The following AP3B2 variants were observed in gnomAD, a reference collection of about 807,000 sequenced individuals.
AP3B2 encodes adaptor related protein complex 3 subunit beta 2, also known as AP-3 complex subunit beta-2.
AP3B2 carries 50 observed loss-of-function variants against 126.9 expected under a neutral mutation model. The ratio of observed to expected loss-of-function variants is 0.39; its 90% CI spans 0.31 to 0.50. The LOEUF (loss-of-function observed/expected upper bound fraction) is 0.50. Among genes scored for constraint, AP3B2 ranks in the 20% least tolerant of loss-of-function variants. The pLI, the probability that AP3B2 is intolerant of heterozygous loss-of-function variation, is 0.79. For missense variants in AP3B2, 1,177 were observed against 1,426.4 expected, an observed-to-expected ratio of 0.83 and a Z score of 2.82; for synonymous variants, 541 against 565.0, an observed-to-expected ratio of 0.96 and a Z score of 0.60.
At chr15:82,707,504 A>C (rs537371163) in intron 1 of AP3B2, among the ~76,000 whole-genome samples, 12 of 152,266 alleles carry the variant, frequency 7.9e-5, no homozygotes, top group Non-Finnish European at 1.0e-4. Context: ...TCAACTACTC[A>C]TACATGCCCT....
At position 82,680,383 on chromosome 15, in the gene AP3B2, C is replaced by T. The variant is rs1304351287; in HGVS notation, c.1055+89G>A. 1.3e-5 allele frequency: 19 copies of T among 1,431,580 alleles called. No homozygotes were observed. Among genetic ancestry groups the T allele is most frequent in the Admixed American group, 9.1e-5 (4 of 43,960 alleles). The allele number at this position is 1,431,580 out of a possible 1,614,324, so 88.7% of individuals were successfully genotyped here. ...TGGAGCGGGTGGGCAGAGGTGGAAG[C>T]GGCTGGTGGGCGTGAGGGGGCGGAG... On this transcript the variant is annotated intron_variant, in intron 8 of 26. Transcript: ENST00000535359. The surrounding 1 kb of genome is among the most constrained non-coding windows in gnomAD (Gnocchi z 6.1).
intron 9 of AP3B2, 123 bp from the exon 10 acceptor site, chr15:82,679,923 C>A: frequency 1.1e-6 from 1 of 948,498 alleles, no homozygotes; most frequent in South Asian, 1.5e-5. Context: ...CTGCCCTCCA[C>A]TCCTCAAGTC....
At chr15:82,693,919 T>C (rs552448179) in intron 1 of AP3B2, among the ~76,000 whole-genome samples, 1 of 152,342 alleles carries the variant, frequency 6.6e-6, no homozygotes, top group South Asian at 2.1e-4. Context: ...CAGGCTGGTC[T>C]CAAACTCCCG....
In AP3B2 at chr15:82,665,559, C is replaced by A; in HGVS notation, c.1869G>T (p.Gln623His). 6.2e-7 allele frequency: 1 copy of A among 1,613,794 alleles called. No individual in the cohort carries two copies. The highest frequency in any genetic ancestry group is 8.5e-7 in the Non-Finnish European group (1 of 1,179,768). The change falls in exon 16 of 27, where the codon CAG (glutamine) becomes CAT (histidine). Residue 623 changes from glutamine (Q) to histidine (H), a missense_variant. Around this residue, in one of 5 missense-constraint regions of AP3B2, gnomAD observed 308 missense variants for 452.4 expected, o/e 0.68. Transcript: ENST00000535359. The surrounding 1 kb of genome is among the most constrained non-coding windows in gnomAD (Gnocchi z 4.4). ...ESSFKDRDHF[Q>H]LGSLSHLLNA... ...TAAGCAGGTGGGACAGTGAGCCCAG[C>A]TGGAAGTGGTCCCGGTCTAGGGATA...
rs1054377266 is a variant in AP3B2 at position 82,659,505 on chromosome 15, C to T, written c.*55G>A. The T allele has an allele frequency of 2.5e-6, 4 of 1,594,662 alleles. No homozygotes were observed. The highest frequency in any genetic ancestry group is 2.2e-5 in the East Asian group (1 of 44,552). On this transcript the variant is annotated 3_prime_UTR_variant, in exon 27 of 27. Transcript: ENST00000535359. Reference sequence around the variant, plus strand: ...GAGAAAGATGAGAGAGACTGACAGCCTAGGTGTCATGGGGAGGTATAGATG... The same window carrying T: ...GAGAAAGATGAGAGAGACTGACAGCTTAGGTGTCATGGGGAGGTATAGATG...
intron 1 of AP3B2, among the ~76,000 whole-genome samples, chr15:82,703,880 G>A (rs1462658417): frequency 6.6e-6 from 1 of 151,946 alleles, no homozygotes. Flanking sequence ...CTAATCCCCA[G>A]AATGCTCCTC....
At chr15:82,698,656 ATCT>A (rs988344346) in intron 1 of AP3B2, among the ~76,000 whole-genome samples, 5 of 152,096 alleles carry the variant, frequency 3.3e-5, no homozygotes, top group African/African-American at 1.2e-4. Context: ...GGGTCCTCTG[ATCT>A]TCTGAGGAGT....
intron 12 of AP3B2, 63 bp from the exon 13 acceptor site, chr15:82,677,446 G>A (rs933382524): frequency 5.4e-6 from 8 of 1,479,020 alleles, no homozygotes; most frequent in Non-Finnish European, 7.5e-6. Context: ...CAGGTGGACA[G>A]ACACACCTGC....
chr15:82,695,916 A>T (rs1381422210), intron 1 of AP3B2, among the ~76,000 whole-genome samples: 1 of 152,140 alleles, frequency 6.6e-6, no homozygotes, highest in African/African-American at 2.4e-5. Context: ...GCTGGAGAAC[A>T]GGTTGTTGGT....
At chr15:82,688,604 C>T (rs765351240) in intron 4 of AP3B2, 132 bp downstream of exon 4, 85 of 849,558 alleles carry the variant, frequency 1.0e-4, no homozygotes, top group Non-Finnish European at 1.4e-4. Flanking sequence ...TGACTGTGAC[C>T]CTCCCAATTT....
intron 1 of AP3B2, among the ~76,000 whole-genome samples, chr15:82,693,866 A>G (rs920106864): frequency 4.0e-5 from 6 of 151,232 alleles, no homozygotes; most frequent in Non-Finnish European, 5.9e-5. Context: ...ATGCCCAGCT[A>G]ATTTTTGTAT....
At chr15:82,662,516 T>C in intron 23 of AP3B2, 178 bp downstream of exon 23, 1 of 713,736 alleles carries the variant, frequency 1.4e-6, no homozygotes. Flanking sequence ...CCCGCCCTGA[T>C]GTGAACTTGC....
rs1198505883 is a variant in AP3B2, at chr15:82,664,991, A to AAGGC, written c.2029-52_2029-49dup. On this transcript the variant is annotated intron_variant, in intron 17 of 26. Coordinates refer to ENST00000535359, the MANE Select transcript of AP3B2 (RefSeq NM_001278512.2). The surrounding 1 kb of genome is among the most constrained non-coding windows in gnomAD (Gnocchi z 4.5). ...GGGTCATTTCATCATGGTTGGGGAG[A>AAGGC]AGGCAGGCAGGCACAAGCCCTTACC... The AAGGC allele has an allele frequency of 7.7e-6, 11 of 1,433,394 alleles. No individual in the cohort carries two copies. Among genetic ancestry groups the AAGGC allele is most frequent in the Non-Finnish European group, 1.1e-5 (11 of 1,033,958 alleles). 88.8% of individuals were successfully genotyped at this position (1,433,394 alleles called of 1,614,324 possible).
intron 1 of AP3B2, among the ~76,000 whole-genome samples, chr15:82,695,683 A>G (rs921343706): frequency 6.6e-6 from 1 of 152,128 alleles, no homozygotes; most frequent in African/African-American, 2.4e-5. Context: ...ATGGGTAAAT[A>G]TAACTAAAGT....
intron 1 of AP3B2, among the ~76,000 whole-genome samples, chr15:82,705,750 C>T (rs1356179418): frequency 6.6e-6 from 1 of 152,168 alleles, no homozygotes; most frequent in Non-Finnish European, 1.5e-5. Flanking sequence ...ATCTCCCGAA[C>T]CCCAATCCCT....
intron 1 of AP3B2, among the ~76,000 whole-genome samples, chr15:82,700,396 G>GTTTTTTTTTTTT (rs1567275643): frequency 8.9e-5 from 1 of 11,264 alleles, no homozygotes; most frequent in Non-Finnish European, 1.7e-4. Flanking sequence ...GTGGTGGGTG[G>GTTTTTTTTTTTT]CTTTTTTTTT....
chr15:82,681,443 G>A lies in AP3B2; in HGVS notation c.498C>T (p.Ala166=), dbSNP rs1567266488. The A allele has an allele frequency of 1.2e-6, 2 of 1,613,920 alleles. No homozygotes were observed. The highest frequency in any genetic ancestry group is 2.2e-5 in the East Asian group (1 of 44,884). ...DMSPYVRKTA[A]HAIPKLYSLD... Reference sequence around the variant, plus strand: ...ACCTGTAGAGTTTAGGGATGGCGTGGGCAGCTGTTTTCCGCACATAGGGTG... The same window carrying A: ...ACCTGTAGAGTTTAGGGATGGCGTGAGCAGCTGTTTTCCGCACATAGGGTG... The change falls in exon 5 of 27, where the codon GCC becomes GCT. Residue 166 remains alanine, a synonymous_variant. Transcript: ENST00000535359. The surrounding 1 kb of genome is among the most constrained non-coding windows in gnomAD (Gnocchi z 4.0).
intron 4 of AP3B2, chr15:82,688,144 G>C: frequency 2.6e-6 from 1 of 379,776 alleles, no homozygotes; most frequent in Non-Finnish European, 4.7e-6. Flanking sequence ...AAATAGAGGA[G>C]TTAATGGTTG....
rs2048850649 is a variant in AP3B2, at chr15:82,709,576, C to T, written c.113+18G>A. ...CCGGCCCCAACCCTCCCGCGAGCTTCCTGGCGGGCTCCCTCACCGCTTGTA... is the reference window on the plus strand; with the variant it reads ...CCGGCCCCAACCCTCCCGCGAGCTTTCTGGCGGGCTCCCTCACCGCTTGTA... On this transcript the variant is annotated intron_variant, in intron 1 of 26. Transcript: ENST00000535359. The T allele has an allele frequency of 6.7e-7, 1 of 1,483,608 alleles. No homozygotes were observed. The highest frequency in any genetic ancestry group is 9.0e-7 in the Non-Finnish European group (1 of 1,115,044). 91.9% of individuals were successfully genotyped at this position (1,483,608 alleles called of 1,614,324 possible). A position where few individuals can be genotyped will look rare whatever the true frequency, so the allele number is the denominator to read the frequency against.
Sources: gnomAD v4.1 joint callset for allele counts (sites outside exome capture counted in the v4.1 genomes callset) on GRCh38, gnomAD v4.1.1 for gene constraint, gnomAD v4.1.1 regional missense constraint, Gnocchi (gnomAD v3.1) non-coding constraint, MANE v1.5 for transcripts, NCBI Gene and HGNC (gene_info 2026-07-23, HGNC 2026-07-21) for gene names.